Variants in VSIG1 observed in about 807,000 individuals in gnomAD.
VSIG1 encodes V-set and immunoglobulin domain containing 1.
Under a neutral mutation model 20.1 loss-of-function variants are expected in VSIG1, and 11 were observed. The ratio of observed to expected loss-of-function variants is 0.55; its 90% CI spans 0.34 to 0.91. The LOEUF is 0.91. Ranked by LOEUF, VSIG1 falls within the 40% of genes least tolerant of loss-of-function variation. VSIG1 has a pLI of 0.02. For missense variants in VSIG1, 283 were observed against 298.8 expected (o/e 0.95, Z 0.39); for synonymous variants, 126 against 116.7 (o/e 1.08, Z -0.52).
chrX:108,057,640 T>C (rs807164), intron 1 of VSIG1, among the ~76,000 whole-genome samples: 55,057 of 110,314 alleles, frequency 0.5, 10,832 homozygotes, highest in African/African-American at 0.69. Context: ...GAGATTTACC[T>C]GATTTTAAAA....
rs1021139995 is a variant in VSIG1 at position 108,067,137 on chromosome X, A to G, written c.412+3A>G. The G allele has an allele frequency of 5.8e-6, 7 of 1,211,029 alleles. No individual in the cohort carries two copies. Among genetic ancestry groups the G allele is most frequent in the Non-Finnish European group, 7.8e-6 (7 of 894,925 alleles). ...CATCCTCAACGTCAGTGTGTTAGGTATGAGCACTTTTTTCTGCTTTTTCTT... is the reference window on the plus strand; with the variant it reads ...CATCCTCAACGTCAGTGTGTTAGGTGTGAGCACTTTTTTCTGCTTTTTCTT... On this transcript the variant is annotated splice_donor_region_variant and intron_variant, in intron 3 of 6. Coordinates refer to ENST00000217957, the MANE Select transcript of VSIG1 (RefSeq NM_182607.5).
At chrX:108,076,270 G>A (rs768545458) in intron 6 of VSIG1, 52 bp downstream of exon 6, 1 of 1,150,992 alleles carries the variant, frequency 8.7e-7, no homozygotes, top group South Asian at 2.0e-5. Context: ...TCTCAGGCAT[G>A]TCTTTTTCAG....
In VSIG1 at chrX:108,055,765, A is replaced by C. The variant is rs1160482208; in HGVS notation, c.50-2273A>C. 2.7e-5 allele frequency among the ~76,000 whole-genome samples: 3 copies of C among 112,185 alleles called. No individual in the cohort carries two copies. The East Asian group carries it at 8.4e-4, about 31-fold the overall frequency. On this transcript the variant is annotated intron_variant, in intron 1 of 6. Transcript: ENST00000217957. ...ATTTGACAAAATCCAATACCCATTC[A>C]TCATTAAAACTCAGCAAGTTAGGAA...
chrX:108,047,901 T>TACAC (rs1445029223), intron 1 of VSIG1, among the ~76,000 whole-genome samples: 1,481 of 33,257 alleles, frequency 0.045, 135 homozygotes, highest in Non-Finnish European at 0.053. Flanking sequence ...CATATATATA[T>TACAC]ATACACATAT....
chrX:108,037,558 CA>C, the VSIG1 span, among the ~76,000 whole-genome samples: 63 of 112,190 alleles, frequency 5.6e-4, 1 homozygote, highest in Middle Eastern at 0.018. Context: ...GAATTTGCCT[CA>C]AGTGACCTAG....
At chrX:108,069,115 T>C (rs2031190104) in intron 3 of VSIG1, among the ~76,000 whole-genome samples, 1 of 111,763 alleles carries the variant, frequency 8.9e-6, no homozygotes, top group African/African-American at 3.3e-5. Flanking sequence ...ATCTCAGAGC[T>C]TGGAAATAGC....
chrX:108,077,198 G>T lies in VSIG1; in HGVS notation c.981G>T (p.Glu327Asp). Reference sequence around the variant, plus strand: ...ACTATGAGCCAAAGCCTACTCAGGAGCCTGCCCCAGAGCCTGCCCCAGGAT... The same window carrying T: ...ACTATGAGCCAAAGCCTACTCAGGATCCTGCCCCAGAGCCTGCCCCAGGAT... ...EPDYEPKPTQ[E>D]PAPEPAPGSE... Residue 327 changes from glutamate (E) to aspartate (D), a missense_variant, in exon 7 of 7, where the codon GAG becomes GAT. By Grantham distance (45) the Glu-to-Asp change is conservative (BLOSUM62 2). Transcript: ENST00000217957. 1 of 1,211,886 alleles carries T rather than the reference G, an allele frequency of 8.3e-7. No homozygotes were observed. The highest frequency in any genetic ancestry group is 1.1e-6 in the Non-Finnish European group (1 of 895,566).
At chrX:108,068,853 C>G (rs1056188647) in intron 3 of VSIG1, among the ~76,000 whole-genome samples, 1 of 112,146 alleles carries the variant, frequency 8.9e-6, no homozygotes, top group Non-Finnish European at 1.9e-5. Context: ...AGATCTTACT[C>G]TGTACTCAGT....
the VSIG1 span, among the ~76,000 whole-genome samples, chrX:108,028,370 T>C: frequency 1.8e-5 from 2 of 111,921 alleles, no homozygotes; most frequent in African/African-American, 3.2e-5. Flanking sequence ...TACAAATTTG[T>C]CCTTACAATA....
the VSIG1 span, among the ~76,000 whole-genome samples, chrX:108,032,077 A>G: frequency 9.0e-6 from 1 of 111,181 alleles, no homozygotes; most frequent in East Asian, 2.8e-4. Context: ...TCTTTTCCTG[A>G]CTAACATCTT....
intron 1 of VSIG1, among the ~76,000 whole-genome samples, chrX:108,050,787 A>C (rs1055827182): frequency 1.8e-5 from 2 of 111,283 alleles, no homozygotes; most frequent in Non-Finnish European, 3.8e-5. Context: ...TGTAGTACAG[A>C]CCTGTTTTTC....
intron 1 of VSIG1, among the ~76,000 whole-genome samples, chrX:108,047,985 T>TATATACAC (rs1234117466): frequency 9.7e-5 from 7 of 71,864 alleles, no homozygotes; most frequent in Non-Finnish European, 1.2e-4. Context: ...TATATATATA[T>TATATACAC]ATATATATAT....
intron 1 of VSIG1, among the ~76,000 whole-genome samples, chrX:108,052,509 G>A (rs939614358): frequency 4.5e-5 from 5 of 110,565 alleles, no homozygotes; most frequent in Admixed American, 9.6e-5. Flanking sequence ...CTAGCTACTC[G>A]GGATGCTGAG....
intron 1 of VSIG1, among the ~76,000 whole-genome samples, chrX:108,056,044 CT>C (rs1412185813): frequency 9.0e-6 from 1 of 111,338 alleles, no homozygotes; most frequent in African/African-American, 3.3e-5. Context: ...GAGCCTTTCC[CT>C]TTGTGAGTCT....
the VSIG1 span, among the ~76,000 whole-genome samples, chrX:108,036,496 A>G: frequency 9.0e-6 from 1 of 111,598 alleles, no homozygotes; most frequent in Non-Finnish European, 1.9e-5. Flanking sequence ...GAGTCACACT[A>G]TCAGTTAACA....
intron 1 of VSIG1, among the ~76,000 whole-genome samples, chrX:108,049,722 G>A (rs1370199352): frequency 1.8e-5 from 2 of 111,632 alleles, no homozygotes; most frequent in Non-Finnish European, 3.8e-5. Flanking sequence ...GAACTTTAAG[G>A]GCTACCAAAA....
chrX:108,032,280 A>G, the VSIG1 span, among the ~76,000 whole-genome samples: 3 of 112,453 alleles, frequency 2.7e-5, no homozygotes, highest in African/African-American at 9.7e-5. Flanking sequence ...GAATAAATGG[A>G]ATGAATATAT....
Position 108,077,468 on chromosome X carries a change from C to A in VSIG1, c.*87C>A. 9.5e-7 allele frequency: 1 copy of A among 1,055,072 alleles called. No individual in the cohort carries two copies. The highest frequency in any genetic ancestry group is 1.3e-6 in the Non-Finnish European group (1 of 783,053). 86.9% of individuals were successfully genotyped at this position (1,055,072 alleles called of 1,213,427 possible). ...ATAACCTAACCAACCTCCACCTCCT[C>A]CTTCCATTTTGACCAACCTTCTTCT... On this transcript the variant is annotated 3_prime_UTR_variant, in exon 7 of 7. Transcript: ENST00000217957.
chrX:108,034,965 A>C, the VSIG1 span, among the ~76,000 whole-genome samples: 9 of 112,100 alleles, frequency 8.0e-5, no homozygotes, highest in African/African-American at 2.6e-4. Flanking sequence ...AACAATAAAA[A>C]ACACACACAC....
Sources: allele counts gnomAD v4.1 joint callset (sites outside exome capture counted in the v4.1 genomes callset), GRCh38; gene constraint gnomAD v4.1.1; transcripts MANE v1.5; gene names NCBI Gene and HGNC (gene_info 2026-07-23, HGNC 2026-07-21).